The following ARHGAP24 variants were observed in gnomAD, a reference collection of about 807,000 sequenced individuals.
The protein encoded by ARHGAP24 is Rho GTPase activating protein 24.
In ARHGAP24, 50 loss-of-function variants were observed where a neutral mutation model predicts 76.4. The observed-to-expected ratio is 0.65, with a 90% CI of 0.52 to 0.83. The LOEUF is 0.83. Among genes scored for constraint, ARHGAP24 ranks in the 40% least tolerant of loss-of-function variants. The pLI is 0.00. For synonymous variants in ARHGAP24, 345 were observed against 323.3 expected (o/e 1.07, Z -0.72); for missense variants, 930 against 914.2 (o/e 1.02, Z -0.22).
intron 3 of ARHGAP24, among the ~76,000 whole-genome samples, chr4:85,738,190 C>T (rs1725674525): frequency 6.6e-6 from 1 of 151,986 alleles, no homozygotes; most frequent in Admixed American, 6.6e-5. Flanking sequence ...CAGAGTACAT[C>T]TATCTTTTTT....
At chr4:85,945,409 T>A (rs899213455) in intron 5 of ARHGAP24, among the ~76,000 whole-genome samples, 1 of 152,120 alleles carries the variant, frequency 6.6e-6, no homozygotes, top group African/African-American at 2.4e-5. Flanking sequence ...GTATTTAGAA[T>A]AAATAGTGCA....
intron 3 of ARHGAP24, chr4:85,723,590 T>C (rs2110045357): frequency 6.6e-6 from 1 of 152,390 alleles, no homozygotes; most frequent in South Asian, 2.1e-4. Flanking sequence ...TCTGTAATTA[T>C]GGACTTAAAT....
intron 3 of ARHGAP24, among the ~76,000 whole-genome samples, chr4:85,839,584 G>A (rs1180792446): frequency 2.0e-5 from 3 of 151,922 alleles, no homozygotes; most frequent in East Asian, 1.9e-4. Context: ...CCGAGTAGCT[G>A]GGACTACAGG....
chr4:85,649,825 A>G (rs771400165), intron 2 of ARHGAP24, among the ~76,000 whole-genome samples: 1 of 152,178 alleles, frequency 6.6e-6, no homozygotes, highest in Non-Finnish European at 1.5e-5. Flanking sequence ...CAGTAGCTGC[A>G]ACATTGTTAT....
At chr4:85,529,746 A>G (rs1459119866) in intron 1 of ARHGAP24, among the ~76,000 whole-genome samples, 1 of 151,946 alleles carries the variant, frequency 6.6e-6, no homozygotes, top group Non-Finnish European at 1.5e-5. Flanking sequence ...TAATTGAACC[A>G]TTATTCTAAA....
intron 2 of ARHGAP24, among the ~76,000 whole-genome samples, chr4:85,625,726 A>C (rs543102565): frequency 3.9e-5 from 6 of 152,258 alleles, no homozygotes; most frequent in Admixed American, 6.5e-5. Flanking sequence ...GTAGGTCACT[A>C]AGGACTTGCT....
intron 2 of ARHGAP24, among the ~76,000 whole-genome samples, chr4:85,660,794 CAAAAAAAA>C (rs34228407): frequency 5.0e-5 from 3 of 59,438 alleles, no homozygotes; most frequent in Admixed American, 2.8e-4. Flanking sequence ...GACTCCGTCT[CAAAAAAAA>C]AAAAAAAAAA....
chr4:85,767,195 T>C (rs1169441295), intron 3 of ARHGAP24, among the ~76,000 whole-genome samples: 2 of 152,200 alleles, frequency 1.3e-5, no homozygotes, highest in Non-Finnish European at 2.9e-5. Flanking sequence ...AAGCAATGTA[T>C]GACCATAGTT....
At chr4:85,771,262 G>A (rs1727120722) in intron 3 of ARHGAP24, among the ~76,000 whole-genome samples, 2 of 152,326 alleles carry the variant, frequency 1.3e-5, no homozygotes, top group South Asian at 4.1e-4. Context: ...AGGAAACCTA[G>A]TGGTATAGTT....
intron 3 of ARHGAP24, among the ~76,000 whole-genome samples, chr4:85,774,690 T>G (rs1341277666): frequency 6.6e-6 from 1 of 152,218 alleles, no homozygotes; most frequent in Non-Finnish European, 1.5e-5. Flanking sequence ...AGGTATCTTA[T>G]GTAGATACAA....
At chr4:85,867,907 A>ATGTATG (rs1553936414) in intron 3 of ARHGAP24, among the ~76,000 whole-genome samples, 2 of 144,918 alleles carry the variant, frequency 1.4e-5, no homozygotes, top group African/African-American at 5.0e-5. Flanking sequence ...ACATATATAT[A>ATGTATG]TACATATATG....
At chr4:85,714,981 T>C (rs1560598277) in intron 2 of ARHGAP24, among the ~76,000 whole-genome samples, 1 of 152,136 alleles carries the variant, frequency 6.6e-6, no homozygotes. Flanking sequence ...CAAATATGTA[T>C]TAAGAATTTA....
At chr4:85,960,794 G>C (rs1437716949) in intron 5 of ARHGAP24, among the ~76,000 whole-genome samples, 1 of 152,036 alleles carries the variant, frequency 6.6e-6, no homozygotes, top group Non-Finnish European at 1.5e-5. Flanking sequence ...GCCTGCCTGG[G>C]TCAGTGTACA....
rs191841961 is a variant in ARHGAP24, at chr4:85,846,396, T to A, written c.269-77252T>A. Among the ~76,000 whole-genome samples, 890 of 152,122 alleles carry A rather than the reference T, an allele frequency of 5.9e-3. 6 individuals are homozygous for A. The highest frequency in any genetic ancestry group is 0.02 in the African/African-American group (828 of 41,376). Reference sequence around the variant, plus strand: ...TACTTTCATAATTCAGGGTTTTTTTTATTATTATTATTGACACTTTTTGTT... The same window carrying A: ...TACTTTCATAATTCAGGGTTTTTTTAATTATTATTATTGACACTTTTTGTT... On this transcript the variant is annotated intron_variant, in intron 3 of 9. Transcript: ENST00000395184.
intron 3 of ARHGAP24, among the ~76,000 whole-genome samples, chr4:85,774,257 A>C (rs921957463): frequency 6.6e-6 from 1 of 152,218 alleles, no homozygotes. Flanking sequence ...GCAGTAGGAC[A>C]TGAGACAGGA....
chr4:85,745,361 T>C (rs1014318829), intron 3 of ARHGAP24, among the ~76,000 whole-genome samples: 3 of 147,448 alleles, frequency 2.0e-5, no homozygotes, highest in African/African-American at 7.4e-5. Flanking sequence ...ATAGAGTATA[T>C]GTATTATATT....
intron 1 of ARHGAP24, among the ~76,000 whole-genome samples, chr4:85,564,631 G>C (rs954616846): frequency 1.3e-5 from 2 of 151,734 alleles, no homozygotes; most frequent in Non-Finnish European, 2.9e-5. Flanking sequence ...CACGGGGTGA[G>C]GGGGAGATGG....
In ARHGAP24 at chr4:85,545,592, G is replaced by T. The variant is rs1005964040; in HGVS notation, c.-20-24930G>T. Among the ~76,000 whole-genome samples, 18 of 152,268 alleles carry T rather than the reference G, an allele frequency of 1.2e-4. No individual in the cohort carries two copies. The South Asian group carries it at 1.2e-3, about 10-fold the overall frequency. On this transcript the variant is annotated intron_variant, in intron 1 of 9. Transcript: ENST00000395184. ...AGAGACAGCTTCTGAGCCCTTTCACGTTACTGCTTCCAAGCTGCTGAAGGG... is the reference window on the plus strand; with the variant it reads ...AGAGACAGCTTCTGAGCCCTTTCACTTTACTGCTTCCAAGCTGCTGAAGGG...
intron 2 of ARHGAP24, among the ~76,000 whole-genome samples, chr4:85,589,309 A>G (rs1727989572): frequency 1.3e-5 from 2 of 152,192 alleles, no homozygotes. Context: ...GTTGACATCT[A>G]ATGTTTCTTT....
Sources: allele counts gnomAD v4.1 joint callset (sites outside exome capture counted in the v4.1 genomes callset), GRCh38; gene constraint gnomAD v4.1.1; transcripts MANE v1.5; gene names NCBI Gene and HGNC (gene_info 2026-07-23, HGNC 2026-07-21).